The following DEAF1 variants were observed in gnomAD, a reference collection of about 807,000 sequenced individuals.
DEAF1 encodes DEAF1 transcription factor.
A neutral mutation model predicts 58.9 loss-of-function variants in DEAF1; 53 were observed. That is an observed-to-expected ratio of 0.90 (90% CI 0.72 to 1.13). The LOEUF (loss-of-function observed/expected upper bound fraction) is 1.13, where lower values mean the gene tolerates loss of function less well. DEAF1 is among the 50% of genes most tolerant of loss of function. The pLI, the probability that DEAF1 is intolerant of heterozygous loss-of-function variation, is 0.00. For missense variants in DEAF1, 685 were observed against 791.4 expected (o/e 0.87, Z 1.61); for synonymous variants, 385 against 340.4 (o/e 1.13, Z -1.44).
At chr11:686,784 C>T in intron 5 of DEAF1, 74 bp downstream of exon 5, 1 of 1,604,286 alleles carries the variant, frequency 6.2e-7, no homozygotes, top group South Asian at 1.1e-5. Context: ...CTGTGCCCTC[C>T]CTCTGGCTGG....
rs10794330 is a variant in DEAF1 at position 686,714 on chromosome 11, G to A, written c.804+144C>T. On this transcript the variant is annotated intron_variant, in intron 5 of 11. Transcript: ENST00000382409. ...TGAAACATGAGAGGGTAAATCACTCGCCCAAGGCCACACAGACAGCAGGTG... is the reference window on the plus strand; with the variant it reads ...TGAAACATGAGAGGGTAAATCACTCACCCAAGGCCACACAGACAGCAGGTG... 0.43 allele frequency: 469,944 copies of A among 1,085,172 alleles called. 105,565 individuals carry two copies. The highest frequency in any genetic ancestry group is 0.57 in the East Asian group (22,190 of 38,686). 67.2% of individuals were successfully genotyped at this position (1,085,172 alleles called of 1,614,324 possible). A position where few individuals can be genotyped will look rare whatever the true frequency, so the allele number is the denominator to read the frequency against.
chr11:698,737 ATGTT>A, upstream of DEAF1: 1 of 1,059,210 alleles, frequency 9.4e-7, no homozygotes, highest in South Asian at 1.3e-5. Context: ...CCCACGGTAT[ATGTT>A]TGCTGCTTTC....
At position 644,716 on chromosome 11, in the gene DEAF1, T is replaced by G. The variant is rs1589963831; in HGVS notation, c.1594-62A>C. ...TGGGTGGAGCAGGGTCTGGGCAGGG[T>G]CCCCAAGGCAGACCCCAGAGGGTGC... is the stretch of plus-strand genomic sequence containing the variant. On this transcript the variant is annotated intron_variant, in intron 11 of 11. Coordinates refer to ENST00000382409, the MANE Select transcript of DEAF1 (RefSeq NM_021008.4). The surrounding 1 kb of genome is among the most constrained non-coding windows in gnomAD (Gnocchi z 4.3). 1.5e-6 allele frequency: 2 copies of G among 1,362,108 alleles called. No individual in the cohort carries two copies. Among genetic ancestry groups the G allele is most frequent in the South Asian group, 2.5e-5 (2 of 81,238 alleles). The allele number at this position is 1,362,108 out of a possible 1,614,324, so 84.4% of individuals were successfully genotyped here. A position where few individuals can be genotyped will look rare whatever the true frequency, so the allele number is the denominator to read the frequency against.
rs368465400 is a variant in DEAF1 at position 646,051 on chromosome 11, G to A, written c.1594-1397C>T. ...GCAGATCACCTGAGGCCAGGAGCTC[G>A]AGACCAGCCTGCCCAACATGGCAAA... On this transcript the variant is annotated intron_variant, in intron 11 of 11. Transcript: ENST00000382409. Among the ~76,000 whole-genome samples the A allele has an allele frequency of 4.3e-4, 66 of 152,024 alleles. No individual in the cohort carries two copies. In the East Asian group the frequency reaches 6.2e-3, roughly 14 times the overall value.
chr11:694,423 G>A (rs1860998803), intron 1 of DEAF1: 1 of 237,384 alleles, frequency 4.2e-6, no homozygotes, highest in African/African-American at 2.3e-5. Context: ...CGTCGAGCAG[G>A]TGTGCGAGGC....
chr11:695,161 A>G lies in DEAF1; in HGVS notation c.-114T>C. ...CCCGAGCTGGGCCGAGGCCGCCCGA[A>G]GCCGCCGCCCGAATAGGGACCGAAA... On this transcript the variant is annotated 5_prime_UTR_variant, in exon 1 of 12. Transcript: ENST00000382409. 1 of 997,282 alleles carries G rather than the reference A, an allele frequency of 1.0e-6. No individual in the cohort carries two copies. Among genetic ancestry groups the G allele is most frequent in the Non-Finnish European group, 1.3e-6 (1 of 753,002 alleles). The allele number at this position is 997,282 out of a possible 1,614,324, so 61.8% of individuals were successfully genotyped here.
chr11:681,045 C>T lies in DEAF1; in HGVS notation c.915G>A (p.Lys305=). ...CGGGAGTTGTGGGCAGTTCATTCTC[C>T]TTCTTGCGCCTTTTGTAAGGCACAA... is the stretch of plus-strand genomic sequence containing the variant. ...RLFVPYKRRK[K]ENELPTTPVK... is the part of the protein sequence containing the mutation. The change falls in exon 7 of 12, where the codon AAG becomes AAA. Residue 305 remains lysine, a synonymous_variant. Coordinates refer to ENST00000382409, the MANE Select transcript of DEAF1 (RefSeq NM_021008.4). The T allele has an allele frequency of 6.2e-7, 1 of 1,614,154 alleles. No individual in the cohort carries two copies. Among genetic ancestry groups the T allele is most frequent in the Non-Finnish European group, 8.5e-7 (1 of 1,180,022 alleles).
chr11:675,469 C>CA (rs1308445978), intron 9 of DEAF1, among the ~76,000 whole-genome samples: 1 of 152,134 alleles, frequency 6.6e-6, no homozygotes, highest in Non-Finnish European at 1.5e-5. Flanking sequence ...GTCGAGGCTA[C>CA]AGTGAGCCAT....
chr11:705,777 G>C (rs1861686535), intron 1 of DEAF1, among the ~76,000 whole-genome samples: 1 of 152,208 alleles, frequency 6.6e-6, no homozygotes, highest in South Asian at 2.1e-4. Context: ...CCCAGGGCTG[G>C]AGCCCTCCCC....
chr11:690,517 G>A (rs1215082422), intron 2 of DEAF1, among the ~76,000 whole-genome samples: 1 of 152,008 alleles, frequency 6.6e-6, no homozygotes, highest in African/African-American at 2.4e-5. Flanking sequence ...ACTTTGGGAG[G>A]TCAAGGCGGG....
chr11:658,448 C>G (rs1859167458), intron 10 of DEAF1, among the ~76,000 whole-genome samples: 1 of 152,178 alleles, frequency 6.6e-6, no homozygotes, highest in African/African-American at 2.4e-5. Flanking sequence ...AACAAAAAAC[C>G]ATTCATTACT....
intron 4 of DEAF1, among the ~76,000 whole-genome samples, chr11:687,198 T>C (rs1015262014): frequency 1.3e-5 from 2 of 152,218 alleles, no homozygotes; most frequent in Non-Finnish European, 2.9e-5. Context: ...CCCTACGTGA[T>C]CTCTCCACCC....
chr11:675,954 A>T, intron 9 of DEAF1, among the ~76,000 whole-genome samples: 1 of 42,354 alleles, frequency 2.4e-5, no homozygotes, highest in Non-Finnish European at 4.2e-5. Context: ...CCCAGCACGC[A>T]GCCTGACATC....
intron 11 of DEAF1, among the ~76,000 whole-genome samples, chr11:648,395 C>T (rs1422213886): frequency 2.6e-5 from 4 of 152,066 alleles, no homozygotes; most frequent in Non-Finnish European, 4.4e-5. Flanking sequence ...CGGGGTTTCA[C>T]CATGTTAGCC....
chr11:669,496 C>A (rs1264432657), intron 10 of DEAF1, among the ~76,000 whole-genome samples: 1 of 151,126 alleles, frequency 6.6e-6, no homozygotes, highest in African/African-American at 2.4e-5. Flanking sequence ...ATTAGCTGGG[C>A]GTGGTGGCGC....
chr11:645,381 A>G (rs1019892165), intron 11 of DEAF1, among the ~76,000 whole-genome samples: 2 of 130,904 alleles, frequency 1.5e-5, no homozygotes, highest in African/African-American at 5.2e-5. Context: ...GTAACGCGCA[A>G]TCTCGGCTCA....
rs1000653809 is a variant in DEAF1, at chr11:663,962, C to T, written c.1504-9911G>A. On this transcript the variant is annotated intron_variant, in intron 10 of 11. Transcript: ENST00000382409. ...GTGCCATGGCTCCCGCCTATAATCC[C>T]AGCTCTTTGGGAGGCTGAGGTGGGC... 2.6e-5 allele frequency among the ~76,000 whole-genome samples: 4 copies of T among 152,328 alleles called. No individual in the cohort carries two copies. In the East Asian group the frequency reaches 7.7e-4, roughly 29 times the overall value.
chr11:670,873 G>C (rs1238374033), intron 10 of DEAF1, among the ~76,000 whole-genome samples: 4 of 142,378 alleles, frequency 2.8e-5, no homozygotes, highest in African/African-American at 1.1e-4. Flanking sequence ...AACCTCCTAG[G>C]CTCAAGCAAT....
intron 10 of DEAF1, among the ~76,000 whole-genome samples, chr11:662,196 T>C (rs1859348320): frequency 6.6e-6 from 1 of 152,220 alleles, no homozygotes; most frequent in East Asian, 1.9e-4. Flanking sequence ...AGAGAATCGC[T>C]TGATCCCGGG....
Sources: allele counts gnomAD v4.1 joint callset (sites outside exome capture counted in the v4.1 genomes callset), GRCh38; gene constraint gnomAD v4.1.1; non-coding constraint Gnocchi (gnomAD v3.1); transcripts MANE v1.5; gene names NCBI Gene and HGNC (gene_info 2026-07-23, HGNC 2026-07-21).